Variants in DCC observed in about 807,000 individuals in gnomAD.
DCC encodes netrin receptor DCC.
A neutral mutation model predicts 172.5 loss-of-function variants in DCC; 58 were observed. The ratio of observed to expected loss-of-function variants is 0.34; its 90% CI spans 0.27 to 0.42. The LOEUF (loss-of-function observed/expected upper bound fraction) is 0.42. Ranked by LOEUF, DCC falls within the 10% of genes least tolerant of loss-of-function variation. The probability of loss-of-function intolerance (pLI) is 1.00; values close to 1 mark genes in which losing one functional copy is unlikely to be tolerated. For missense variants in DCC, 1,740 were observed against 1,791.0 expected, an observed-to-expected ratio of 0.97 and a Z score of 0.51; for synonymous variants, 709 against 644.5, an observed-to-expected ratio of 1.10 and a Z score of -1.52.
chr18:53,507,468 T>C (rs527586010), intron 27 of DCC, among the ~76,000 whole-genome samples: 1 of 152,382 alleles, frequency 6.6e-6, no homozygotes, highest in Admixed American at 6.5e-5. Context: ...CAGGGACTTA[T>C]AAACGAATTC....
rs113986473 is a variant in DCC at position 52,481,279 on chromosome 18, G to A, written c.91+140401G>A. Among the ~76,000 whole-genome samples, 779 of 149,928 alleles carry A rather than the reference G, an allele frequency of 5.2e-3. 2 individuals are homozygous for A. The highest frequency in any genetic ancestry group is 9.0e-3 in the Non-Finnish European group (602 of 66,562). ...AGGTGCGTGCCAGCCTGGCGCATGTGGCTGCAAGGCTGTATTCCTTTTCCT... is the reference window on the plus strand; with the variant it reads ...AGGTGCGTGCCAGCCTGGCGCATGTAGCTGCAAGGCTGTATTCCTTTTCCT... On this transcript the variant is annotated intron_variant, in intron 1 of 28. Transcript: ENST00000442544.
intron 2 of DCC, among the ~76,000 whole-genome samples, chr18:52,832,691 T>C (rs2038637536): frequency 6.6e-6 from 1 of 152,126 alleles, no homozygotes; most frequent in Non-Finnish European, 1.5e-5. Context: ...AATCACTTCA[T>C]GGAGAAACTT....
intron 1 of DCC, among the ~76,000 whole-genome samples, chr18:52,351,993 A>C (rs1984144126): frequency 6.6e-6 from 1 of 152,074 alleles, no homozygotes; most frequent in Non-Finnish European, 1.5e-5. Context: ...TCTCGATAAG[A>C]GGGGGCATAG....
intron 2 of DCC, among the ~76,000 whole-genome samples, chr18:52,797,129 CTG>C (rs1225334258): frequency 1.3e-5 from 2 of 151,584 alleles, no homozygotes; most frequent in Non-Finnish European, 2.9e-5. Context: ...CTTAACATAT[CTG>C]TTTCTTTTTT....
intron 1 of DCC, among the ~76,000 whole-genome samples, chr18:52,498,020 G>A (rs2030868889): frequency 6.6e-6 from 1 of 152,118 alleles, no homozygotes; most frequent in Non-Finnish European, 1.5e-5. Flanking sequence ...CAGCACCAGA[G>A]ACAATACAAA....
intron 1 of DCC, among the ~76,000 whole-genome samples, chr18:52,638,107 A>G (rs2034817070): frequency 6.6e-6 from 1 of 152,188 alleles, no homozygotes; most frequent in Non-Finnish European, 1.5e-5. Context: ...TTTTTCAGAC[A>G]AACAAATGCT....
rs1370389210 is a variant in DCC at position 53,372,708 on chromosome 18, A to T, written c.2360-13335A>T. Among the ~76,000 whole-genome samples the T allele has an allele frequency of 2.0e-5, 3 of 152,102 alleles. No homozygotes were observed. In the East Asian group the frequency reaches 5.8e-4, roughly 29 times the overall value. On this transcript the variant is annotated intron_variant, in intron 15 of 28. Coordinates refer to ENST00000442544, the MANE Select transcript of DCC (RefSeq NM_005215.4). ...ATATGAAACCTAGAGAAGTTAAAAA[A>T]TTTTTCAAGAATAGTAGTTGAAAAT...
intron 3 of DCC, among the ~76,000 whole-genome samples, chr18:52,914,263 T>G (rs1310461521): frequency 6.6e-6 from 1 of 151,950 alleles, no homozygotes; most frequent in Non-Finnish European, 1.5e-5. Flanking sequence ...AAAATGAATC[T>G]GATAGACTTA....
At chr18:52,630,619 G>C (rs2034657064) in intron 1 of DCC, among the ~76,000 whole-genome samples, 3 of 152,204 alleles carry the variant, frequency 2.0e-5, no homozygotes, top group Admixed American at 2.0e-4. Flanking sequence ...ATGTTTACTA[G>C]CTTCTGGACA....
intron 27 of DCC, among the ~76,000 whole-genome samples, chr18:53,517,523 A>C (rs561655153): frequency 1.3e-4 from 20 of 151,910 alleles, no homozygotes; most frequent in African/African-American, 4.8e-4. Context: ...AAGCCCAAGC[A>C]GGTTTAAAAA....
chr18:52,498,768 TG>T (rs1248657670), intron 1 of DCC, among the ~76,000 whole-genome samples: 1 of 152,182 alleles, frequency 6.6e-6, no homozygotes, highest in African/African-American at 2.4e-5. Flanking sequence ...GCTGGCTTCT[TG>T]CTGTGTCCTC....
At chr18:52,548,999 T>C (rs1473803521) in intron 1 of DCC, among the ~76,000 whole-genome samples, 1 of 152,110 alleles carries the variant, frequency 6.6e-6, no homozygotes, top group African/African-American at 2.4e-5. Flanking sequence ...TTTCCCTTTT[T>C]TCTTTTAGAA....
intron 17 of DCC, among the ~76,000 whole-genome samples, chr18:53,395,578 A>T (rs961895511): frequency 6.6e-6 from 1 of 152,162 alleles, no homozygotes; most frequent in Admixed American, 6.6e-5. Context: ...ATTTGATGGA[A>T]TTTCATCTTC....
chr18:52,438,135 T>C (rs1598818405), intron 1 of DCC, among the ~76,000 whole-genome samples: 2 of 152,220 alleles, frequency 1.3e-5, no homozygotes, highest in East Asian at 3.8e-4. Flanking sequence ...CCAGAGTTTC[T>C]TACTGATTGG....
At chr18:53,028,690 G>A (rs766640702) in intron 5 of DCC, among the ~76,000 whole-genome samples, 4 of 152,094 alleles carry the variant, frequency 2.6e-5, no homozygotes, top group Non-Finnish European at 5.9e-5. Flanking sequence ...AAGGACAATA[G>A]TCTCAATGTT....
chr18:52,881,177 A>G (rs2039480200), intron 2 of DCC, among the ~76,000 whole-genome samples: 1 of 152,090 alleles, frequency 6.6e-6, no homozygotes, highest in African/African-American at 2.4e-5. Context: ...GTTTATTCAA[A>G]TCTTTTGACC....
chr18:53,509,925 C>A (rs1940851155), intron 27 of DCC, among the ~76,000 whole-genome samples: 1 of 152,182 alleles, frequency 6.6e-6, no homozygotes, highest in South Asian at 2.1e-4. Context: ...AAAATTTATT[C>A]ATTTTCATAG....
intron 3 of DCC, among the ~76,000 whole-genome samples, chr18:52,920,985 T>C (rs2040115994): frequency 6.6e-6 from 1 of 152,058 alleles, no homozygotes; most frequent in Non-Finnish European, 1.5e-5. Context: ...ACTATAGAAA[T>C]AGTAAAATGA....
chr18:53,040,817 C>G (rs1039692977), intron 5 of DCC, among the ~76,000 whole-genome samples: 37 of 151,834 alleles, frequency 2.4e-4, no homozygotes, highest in African/African-American at 8.9e-4. Context: ...CTGAAAAACC[C>G]ACCAGGGAGC....
Sources: allele counts gnomAD v4.1 joint callset (sites outside exome capture counted in the v4.1 genomes callset), GRCh38; gene constraint gnomAD v4.1.1; transcripts MANE v1.5; gene names NCBI Gene and HGNC (gene_info 2026-07-23, HGNC 2026-07-21).